The following CFLAR variants were observed in gnomAD, a reference collection of about 807,000 sequenced individuals.
CFLAR encodes the protein CASP8 and FADD-like apoptosis regulator.
CFLAR carries 14 observed loss-of-function variants against 51.1 expected under a neutral mutation model. That is an observed-to-expected ratio of 0.27 (90% confidence interval 0.18 to 0.43). The LOEUF is 0.43. CFLAR is among the 20% of genes least tolerant of loss of function. The pLI is 1.00. For missense variants in CFLAR, 390 were observed against 566.5 expected (o/e 0.69, Z 3.16); for synonymous variants, 210 against 211.6 (o/e 0.99, Z 0.06).
intron 2 of CFLAR, among the ~76,000 whole-genome samples, chr2:201,132,428 A>ATAT (rs1559187626): frequency 7.9e-6 from 1 of 126,992 alleles, no homozygotes; most frequent in East Asian, 2.0e-4. Context: ...TAGGGGGGGA[A>ATAT]AAATATATAT....
At chr2:201,149,729 T>A in intron 7 of CFLAR, 25 bp from the exon 8 acceptor site, 1 of 1,569,744 alleles carries the variant, frequency 6.4e-7, no homozygotes, top group Non-Finnish European at 8.8e-7. Context: ...CCAGAGTCTT[T>A]AGCATTTCTT....
intron 3 of CFLAR, among the ~76,000 whole-genome samples, chr2:201,135,094 G>A (rs1334716129): frequency 3.3e-5 from 5 of 152,138 alleles, no homozygotes; most frequent in Admixed American, 2.6e-4. Flanking sequence ...AATATCGTTC[G>A]TTCATAATCA....
chr2:201,120,419 A>G (rs890470907), intron 1 of CFLAR, among the ~76,000 whole-genome samples: 1 of 152,000 alleles, frequency 6.6e-6, no homozygotes, highest in Non-Finnish European at 1.5e-5. Flanking sequence ...AACATCTTCT[A>G]CATTATTTTT....
At chr2:201,129,626 A>G (rs1013083223) in intron 1 of CFLAR, 103 bp from the exon 2 acceptor site, 11 of 521,670 alleles carry the variant, frequency 2.1e-5, no homozygotes, top group Admixed American at 6.4e-5. Context: ...AACTTAATCT[A>G]CTTAAGTCAG....
intron 7 of CFLAR, 182 bp downstream of exon 7, chr2:201,149,234 T>G: frequency 3.9e-6 from 2 of 512,184 alleles, no homozygotes; most frequent in South Asian, 4.8e-5. Context: ...TAAAGTGGAT[T>G]GCATTAGTGA....
At chr2:201,121,582 CT>C (rs1177241963) in intron 1 of CFLAR, among the ~76,000 whole-genome samples, 1 of 152,112 alleles carries the variant, frequency 6.6e-6, no homozygotes, top group East Asian at 1.9e-4. Flanking sequence ...GCAGGTAGTG[CT>C]TTTTACAGAA....
At position 201,138,960 on chromosome 2, in the gene CFLAR, T is replaced by C. The variant is rs564588655; in HGVS notation, c.524-1397T>C. The C allele has an allele frequency of 1.2e-4, 69 of 589,392 alleles. No homozygotes were observed. Among genetic ancestry groups the C allele is most frequent in the South Asian group, 9.2e-4 (67 of 72,494 alleles). The allele number at this position is 589,392 out of a possible 1,614,324, so 36.5% of individuals were successfully genotyped here. On this transcript the variant is annotated intron_variant, in intron 4 of 9. Transcript: ENST00000309955. This position sits in a 1 kb window ranked among gnomAD's most constrained non-coding sequence, Gnocchi z 4.0. ...AATCCTGGGAGAATCAAGAAGTCGT[T>C]GTAGGTGAGTCCCTGGTCACTGGCG...
Sources: gnomAD v4.1 joint callset for allele counts (sites outside exome capture counted in the v4.1 genomes callset) on GRCh38, gnomAD v4.1.1 for gene constraint, Gnocchi (gnomAD v3.1) non-coding constraint, MANE v1.5 for transcripts, NCBI Gene and HGNC (gene_info 2026-07-23, HGNC 2026-07-21) for gene names.